Variants in MON2 observed in about 807,000 individuals in gnomAD.
The protein encoded by MON2 is protein MON2 homolog.
MON2 carries 84 observed loss-of-function variants against 208.6 expected under a neutral mutation model. That is an observed-to-expected ratio of 0.40 (90% confidence interval 0.34 to 0.48). The LOEUF (loss-of-function observed/expected upper bound fraction) is 0.48, where lower values mean the gene tolerates loss of function less well. Ranked by LOEUF, MON2 falls within the 20% of genes least tolerant of loss-of-function variation. The probability of loss-of-function intolerance (pLI) is 0.59; values close to 1 mark genes in which losing one functional copy is unlikely to be tolerated. For missense variants in MON2, 1,611 were observed against 2,015.4 expected, an observed-to-expected ratio of 0.80 and a Z score of 3.84; for synonymous variants, 660 against 694.0, an observed-to-expected ratio of 0.95 and a Z score of 0.77.
intron 5 of MON2, 69 bp from the exon 6 acceptor site, chr12:62,500,714 T>A: frequency 1.4e-6 from 1 of 710,756 alleles, no homozygotes; most frequent in Non-Finnish European, 2.3e-6. Flanking sequence ...AACATTATCT[T>A]TTAAACAGAA....
chr12:62,501,769 C>A, intron 7 of MON2, 71 bp downstream of exon 7: 1 of 1,561,234 alleles, frequency 6.4e-7, no homozygotes, highest in Non-Finnish European at 8.8e-7. Flanking sequence ...AAGAAAGCAA[C>A]GTGTATTTTT....
At position 62,592,685 on chromosome 12, in the gene MON2, C is replaced by CACTA. The variant is rs1186270762; in HGVS notation, c.5091_5094dup (p.Val1699ThrfsTer5). On this transcript the variant is annotated frameshift_variant, in exon 35 of 35. Transcript: ENST00000393630. LOFTEE classifies it high-confidence loss of function. ...GAAGTCTGTTCTGCACTTAAAGAGG[C>CACTA]ACTAGTTCCTTTTAAGGATTTCATG... is the stretch of plus-strand genomic sequence containing the variant. 2 of 1,609,762 alleles carry CACTA rather than the reference C, an allele frequency of 1.2e-6. No individual in the cohort carries two copies. The highest frequency in any genetic ancestry group is 2.7e-5 in the African/African-American group (2 of 74,872).
chr12:62,491,144 G>GT (rs2070110153), intron 2 of MON2, among the ~76,000 whole-genome samples: 1 of 152,128 alleles, frequency 6.6e-6, no homozygotes, highest in Non-Finnish European at 1.5e-5. Context: ...TTGAATTGCT[G>GT]TTTAAAGTGT....
intron 22 of MON2, 127 bp from the exon 23 acceptor site, chr12:62,549,541 A>G (rs528528642): frequency 7.4e-6 from 5 of 672,778 alleles, no homozygotes; most frequent in Admixed American, 3.5e-5. Flanking sequence ...CACATGATCC[A>G]GGGAGGTTGA....
In MON2 at chr12:62,580,255, T is replaced by C. The variant is rs191445239; in HGVS notation, c.4576-42T>C. 1,918 of 1,577,216 alleles carry C rather than the reference T, an allele frequency of 1.2e-3. 2 individuals are homozygous for C. The highest frequency in any genetic ancestry group is 1.6e-3 in the Admixed American group (85 of 53,872). ...ACTCTAGAAATTATTTTAGTCTCTTTCAAAGAAAACAATACATTTGCATTT... is the reference window on the plus strand; with the variant it reads ...ACTCTAGAAATTATTTTAGTCTCTTCCAAAGAAAACAATACATTTGCATTT... On this transcript the variant is annotated intron_variant, in intron 31 of 34. Transcript: ENST00000393630.
At chr12:62,576,066 A>C (rs187568087) in intron 30 of MON2, among the ~76,000 whole-genome samples, 38 of 152,326 alleles carry the variant, frequency 2.5e-4, no homozygotes, top group Middle Eastern at 3.4e-3. Context: ...CAATATATTG[A>C]ATGTAATATA....
chr12:62,584,612 A>G (rs1045800290), intron 32 of MON2, among the ~76,000 whole-genome samples: 5 of 149,508 alleles, frequency 3.3e-5, no homozygotes, highest in Admixed American at 2.0e-4. Context: ...CTGAGGCAGG[A>G]GAATTGCTTG....
intron 27 of MON2, 93 bp from the exon 28 acceptor site, chr12:62,565,921 A>C: frequency 8.2e-7 from 1 of 1,220,520 alleles, no homozygotes; most frequent in South Asian, 1.5e-5. Context: ...CACTCAACAT[A>C]AAAATTATAA....
chr12:62,517,409 T>G (rs1431919564), intron 8 of MON2, among the ~76,000 whole-genome samples: 3 of 152,152 alleles, frequency 2.0e-5, no homozygotes, highest in African/African-American at 7.2e-5. Context: ...AAATAAAATT[T>G]GATGCTATGG....
At chr12:62,518,652 C>T (rs552605556) in intron 8 of MON2, among the ~76,000 whole-genome samples, 18 of 152,084 alleles carry the variant, frequency 1.2e-4, no homozygotes, top group Non-Finnish European at 2.2e-4. Context: ...CAACGTGGGA[C>T]AAATGACAGC....
At chr12:62,487,263 G>T (rs2069854911) in intron 2 of MON2, among the ~76,000 whole-genome samples, 1 of 151,890 alleles carries the variant, frequency 6.6e-6, no homozygotes, top group African/African-American at 2.4e-5. Context: ...TTTATTATAT[G>T]AATATTATAT....
intron 4 of MON2, among the ~76,000 whole-genome samples, chr12:62,497,624 T>C (rs1445406075): frequency 6.6e-6 from 1 of 151,896 alleles, no homozygotes; most frequent in Non-Finnish European, 1.5e-5. Flanking sequence ...TCTTTTCTTT[T>C]CTTTTTTTGA....
chr12:62,555,807 TAAAAAA>T (rs36090980), intron 24 of MON2, among the ~76,000 whole-genome samples, 181 bp from the exon 25 acceptor site: 1 of 120,290 alleles, frequency 8.3e-6, no homozygotes, highest in South Asian at 2.7e-4. Flanking sequence ...AGACTCCATC[TAAAAAA>T]AAAAAAAAAA....
At chr12:62,533,040 G>A (rs1027440843) in intron 12 of MON2, among the ~76,000 whole-genome samples, 2 of 152,234 alleles carry the variant, frequency 1.3e-5, no homozygotes, top group East Asian at 1.9e-4. Flanking sequence ...CCTTTTATGT[G>A]TTGAATTTAG....
At chr12:62,549,118 C>A (rs2073628041) in intron 22 of MON2, among the ~76,000 whole-genome samples, 1 of 152,000 alleles carries the variant, frequency 6.6e-6, no homozygotes, top group Non-Finnish European at 1.5e-5. Flanking sequence ...GATGTTAATA[C>A]TTTATTTTTA....
Position 62,549,762 on chromosome 12 carries a change from G to C in MON2, c.2848G>C (p.Asp950His), listed in dbSNP as rs552289039. Residue 950 changes from aspartate to histidine, a missense_variant, in exon 23 of 35, where the codon GAT becomes CAT. By Grantham distance (81) the Asp-to-His change is moderately conservative (BLOSUM62 -1). Transcript: ENST00000393630. ...MPCTCLQIVV[D>H]VAGSFGLHNQ... ...TTGTACTTGCCTGCAAATAGTTGTA[G>C]ATGTTGCAGGTAGCTTTGGCCTCCA... The C allele has an allele frequency of 1.3e-5, 21 of 1,612,794 alleles. No individual in the cohort carries two copies. In the East Asian group the frequency reaches 1.8e-4, roughly 14 times the overall value.
chr12:62,556,150 G>A lies in MON2; in HGVS notation c.3367G>A (p.Ala1123Thr), dbSNP rs1330357929. The A allele has an allele frequency of 1.2e-6, 2 of 1,613,978 alleles. No homozygotes were observed. Among genetic ancestry groups the A allele is most frequent in the Admixed American group, 1.7e-5 (1 of 60,006 alleles). Residue 1123 changes from alanine (A) to threonine (T), a missense_variant, in exon 25 of 35, where the codon GCA becomes ACA. Transcript: ENST00000393630. ...ETWVLTLAGV[A>T]RIFNTRRYLL... ...GTGGGTATTAACATTGGCTGGAGTAGCAAGGATCTTCAACACTAGAAGATA... is the reference window on the plus strand; with the variant it reads ...GTGGGTATTAACATTGGCTGGAGTAACAAGGATCTTCAACACTAGAAGATA...
Position 62,466,956 on chromosome 12 carries a change from T to G in MON2, c.-252T>G. Reference sequence around the variant, plus strand: ...CGGAGGGACCTGCCCGCCTTGTGGGTTTCTCGGCCAGAGTCGGCGGAGCCT... The same window carrying G: ...CGGAGGGACCTGCCCGCCTTGTGGGGTTCTCGGCCAGAGTCGGCGGAGCCT... On this transcript the variant is annotated 5_prime_UTR_variant, in exon 1 of 35. Transcript: ENST00000393630. 31 of 476,988 alleles carry G rather than the reference T, an allele frequency of 6.5e-5. No individual in the cohort carries two copies. Among genetic ancestry groups the G allele is most frequent in the South Asian group, 3.6e-4 (10 of 27,976 alleles). 29.5% of individuals were successfully genotyped at this position (476,988 alleles called of 1,614,324 possible). A position where few individuals can be genotyped will look rare whatever the true frequency, so the allele number is the denominator to read the frequency against.
chr12:62,499,449 T>C (rs1222986235), intron 5 of MON2, among the ~76,000 whole-genome samples: 2 of 152,224 alleles, frequency 1.3e-5, no homozygotes, highest in East Asian at 3.8e-4. Flanking sequence ...CAGTGTTTTA[T>C]AACTGTTTTG....
Sources: gnomAD v4.1 joint callset for allele counts (sites outside exome capture counted in the v4.1 genomes callset) on GRCh38, gnomAD v4.1.1 for gene constraint, MANE v1.5 for transcripts, NCBI Gene and HGNC (gene_info 2026-07-23, HGNC 2026-07-21) for gene names.